The following CEMIP variants were observed in gnomAD, a reference collection of about 807,000 sequenced individuals.
The protein encoded by CEMIP is cell migration-inducing and hyaluronan-binding protein.
CEMIP carries 105 observed loss-of-function variants against 156.9 expected under a neutral mutation model. The observed-to-expected ratio is 0.67, with a 90% confidence interval of 0.57 to 0.79. CEMIP has a LOEUF of 0.79. Ranked by LOEUF, CEMIP falls within the 30% of genes least tolerant of loss-of-function variation. The pLI is 0.00. For missense variants in CEMIP, 1,457 were observed against 1,769.4 expected, an observed-to-expected ratio of 0.82 and a Z score of 3.17; for synonymous variants, 676 against 668.4, an observed-to-expected ratio of 1.01 and a Z score of -0.17.
chr15:80,838,063 G>A (rs909011063), intron 1 of CEMIP, among the ~76,000 whole-genome samples: 2 of 152,198 alleles, frequency 1.3e-5, no homozygotes, highest in African/African-American at 4.8e-5. Flanking sequence ...TCTCTATGCT[G>A]CTGTTCCCTG....
At chr15:80,786,293 G>A (rs1219513368) in intron 1 of CEMIP, among the ~76,000 whole-genome samples, 1 of 152,162 alleles carries the variant, frequency 6.6e-6, no homozygotes, top group Non-Finnish European at 1.5e-5. Flanking sequence ...CTAGAGAGCA[G>A]TGGCATGAAC....
At chr15:80,808,777 T>A (rs1253626657) in intron 1 of CEMIP, among the ~76,000 whole-genome samples, 1 of 93,506 alleles carries the variant, frequency 1.1e-5, no homozygotes, top group East Asian at 4.8e-4. Flanking sequence ...AAATAACATA[T>A]GGGGAAGCCA....
rs755191035 is a variant in CEMIP at position 80,936,835 on chromosome 15, G to A, written c.3171G>A (p.Trp1057Ter). 1 of 1,614,142 alleles carries A rather than the reference G, an allele frequency of 6.2e-7. No homozygotes were observed. Among genetic ancestry groups the A allele is most frequent in the Non-Finnish European group, 8.5e-7 (1 of 1,180,052 alleles). The change falls in exon 24 of 30, where the codon TGG (tryptophan) becomes TGA (stop). Residue 1057 changes from tryptophan (W) to a stop codon, truncating the protein, a stop_gained. Coordinates refer to ENST00000394685, the MANE Select transcript of CEMIP (RefSeq NM_001293298.2). LOFTEE classifies it high-confidence loss of function. ...TGCAGAAGGGCTACACCATCCACTG[G>A]GACCAGACGGCCCCCGCCGAACTCG... ...VTLQKGYTIHWDQTAPAELAI... is the reference protein window; with the variant it reads ...VTLQKGYTIH
chr15:80,783,620 C>T (rs1019800068), intron 1 of CEMIP, among the ~76,000 whole-genome samples: 23 of 152,178 alleles, frequency 1.5e-4, no homozygotes, highest in African/African-American at 5.3e-4. Context: ...ACCTCCTTTC[C>T]CTAAAGTCTG....
At chr15:80,920,985 C>T (rs1299784583) in intron 15 of CEMIP, 47 bp from the exon 16 acceptor site, 7 of 1,544,954 alleles carry the variant, frequency 4.5e-6, no homozygotes, top group Non-Finnish European at 6.3e-6. Flanking sequence ...CAGGATGACC[C>T]CTGGCGGCCC....
At chr15:80,860,329 C>T (rs1481164771) in intron 1 of CEMIP, among the ~76,000 whole-genome samples, 1 of 152,204 alleles carries the variant, frequency 6.6e-6, no homozygotes, top group Non-Finnish European at 1.5e-5. Flanking sequence ...GCACACTTAG[C>T]TAGAATCCAG....
rs1474276275 is a variant in CEMIP, at chr15:80,889,645, ACT to A, written c.1086+56_1086+57del. 1.4e-5 allele frequency: 23 copies of A among 1,605,518 alleles called. No individual in the cohort carries two copies. The South Asian group carries it at 2.1e-4, about 15-fold the overall frequency. ...ATAGAAATGTGTTGTTTTGAAGAAG[ACT>A]CTATAGATCACAGACATTCTTGTCA... On this transcript the variant is annotated intron_variant, in intron 10 of 29. Coordinates refer to ENST00000394685, the MANE Select transcript of CEMIP (RefSeq NM_001293298.2).
chr15:80,822,931 A>G (rs1039334529), intron 1 of CEMIP, among the ~76,000 whole-genome samples: 1 of 152,208 alleles, frequency 6.6e-6, no homozygotes, highest in Non-Finnish European at 1.5e-5. Flanking sequence ...AGAAACAGTC[A>G]AACGAAGTGA....
intron 21 of CEMIP, among the ~76,000 whole-genome samples, chr15:80,930,247 G>A (rs1224024218): frequency 6.6e-6 from 1 of 152,264 alleles, no homozygotes; most frequent in Non-Finnish European, 1.5e-5. Flanking sequence ...TGAGCTGTGA[G>A]AAGCCCTTCC....
intron 1 of CEMIP, among the ~76,000 whole-genome samples, chr15:80,799,529 T>C (rs1216328211): frequency 6.6e-6 from 1 of 152,214 alleles, no homozygotes; most frequent in East Asian, 1.9e-4. Context: ...AAATAGTGTA[T>C]GGAATAGAAC....
chr15:80,854,559 C>T (rs941027302), intron 1 of CEMIP, among the ~76,000 whole-genome samples: 8 of 152,350 alleles, frequency 5.3e-5, no homozygotes, highest in African/African-American at 1.7e-4. Flanking sequence ...GCAAATCAGT[C>T]TCTGCTCTGC....
At chr15:80,924,796 G>A (rs1348692246) in intron 18 of CEMIP, 90 bp downstream of exon 18, 2 of 1,143,202 alleles carry the variant, frequency 1.7e-6, no homozygotes, top group African/African-American at 1.5e-5. Flanking sequence ...CATTCCCTGA[G>A]CATCTGTTGA....
intron 14 of CEMIP, among the ~76,000 whole-genome samples, chr15:80,913,100 C>G (rs1900129833): frequency 6.6e-6 from 1 of 152,098 alleles, no homozygotes; most frequent in African/African-American, 2.4e-5. Context: ...GTCCTGGTAG[C>G]CCCTAGCTCA....
chr15:80,849,710 G>T (rs1366504719), intron 1 of CEMIP, among the ~76,000 whole-genome samples: 4 of 152,120 alleles, frequency 2.6e-5, no homozygotes, highest in African/African-American at 9.7e-5. Context: ...GGTTAACTAG[G>T]AAGTCAGCTG....
At chr15:80,873,180 G>A (rs778055859) in intron 1 of CEMIP, among the ~76,000 whole-genome samples, 5 of 152,194 alleles carry the variant, frequency 3.3e-5, no homozygotes, top group Non-Finnish European at 7.3e-5. Context: ...ATTCTAGGTA[G>A]CCATGTGCCC....
At chr15:80,862,508 C>T (rs1244883196) in intron 1 of CEMIP, among the ~76,000 whole-genome samples, 1 of 152,196 alleles carries the variant, frequency 6.6e-6, no homozygotes, top group African/African-American at 2.4e-5. Flanking sequence ...TTGAATGAAC[C>T]TCTCTGTCAG....
At position 80,933,400 on chromosome 15, in the gene CEMIP, C is replaced by T; in HGVS notation, c.2949C>T (p.His983=). 1 of 1,614,130 alleles carries T rather than the reference C, an allele frequency of 6.2e-7. No individual in the cohort carries two copies. Among genetic ancestry groups the T allele is most frequent in the Non-Finnish European group, 8.5e-7 (1 of 1,180,028 alleles). The change falls in exon 23 of 30, where the codon CAC becomes CAT. Residue 983 remains histidine (H), a synonymous_variant. Coordinates refer to ENST00000394685, the MANE Select transcript of CEMIP (RefSeq NM_001293298.2). ...AGAATGACAACTGGCTGGTCCGGCA[C>T]CCAGACTGCATCAATGTTCCCGACT... ...LTKNDNWLVR[H]PDCINVPDWR... is the part of the protein sequence containing the mutation.
intron 14 of CEMIP, among the ~76,000 whole-genome samples, chr15:80,914,751 C>T (rs1223865014): frequency 6.6e-6 from 1 of 152,236 alleles, no homozygotes; most frequent in Non-Finnish European, 1.5e-5. Flanking sequence ...ACAGGTTCAC[C>T]TTTCCTGCTA....
At position 80,826,836 on chromosome 15, in the gene CEMIP, C is replaced by G. The variant is rs150792421; in HGVS notation, c.-175-46702C>G. The stretch of plus-strand genomic sequence containing the variant: ...CTGCTCCTTATTGCCTCTCACCCAG[C>G]CTCTCCCTTCATTTCTTAGCTACCT... On this transcript the variant is annotated intron_variant, in intron 1 of 29. Transcript: ENST00000394685. Among the ~76,000 whole-genome samples the G allele has an allele frequency of 1.2e-4, 19 of 152,264 alleles. No homozygotes were observed. The East Asian group carries it at 3.3e-3, about 26-fold the overall frequency.
Sources: gnomAD v4.1 joint callset for allele counts (sites outside exome capture counted in the v4.1 genomes callset) on GRCh38, gnomAD v4.1.1 for gene constraint, MANE v1.5 for transcripts, NCBI Gene and HGNC (gene_info 2026-07-23, HGNC 2026-07-21) for gene names.